Variants in PTDSS2 observed in about 807,000 individuals in gnomAD.
PTDSS2 encodes PSS-2.
PTDSS2 carries 41 observed loss-of-function variants against 64.7 expected under a neutral mutation model. The observed-to-expected ratio is 0.63, with a 90% CI of 0.49 to 0.82. The LOEUF (loss-of-function observed/expected upper bound fraction) is 0.82, where lower values mean the gene tolerates loss of function less well. PTDSS2 is among the 40% of genes least tolerant of loss of function. The pLI is 0.00. For missense variants in PTDSS2, 485 were observed against 650.0 expected, an observed-to-expected ratio of 0.75 and a Z score of 2.76; for synonymous variants, 297 against 277.8, an observed-to-expected ratio of 1.07 and a Z score of -0.69.
chr11:478,987 G>A, intron 3 of PTDSS2, 98 bp from the exon 4 acceptor site: 1 of 913,104 alleles, frequency 1.1e-6, no homozygotes, highest in Non-Finnish European at 1.8e-6. Context: ...GCCCAGAAGA[G>A]ACACTGGGTG....
At chr11:489,209 C>A in intron 8 of PTDSS2, 191 bp from the exon 9 acceptor site, 1 of 606,350 alleles carries the variant, frequency 1.6e-6, no homozygotes, top group East Asian at 2.8e-5. Context: ...GGAGAACAGC[C>A]GGGCAGCAGC....
At chr11:489,754 G>T (rs1425028503) in intron 10 of PTDSS2, 21 bp downstream of exon 10, 2 of 1,603,360 alleles carry the variant, frequency 1.2e-6, no homozygotes, top group Admixed American at 3.4e-5. Flanking sequence ...CGGCAGTCCG[G>T]GTGGAGACAC....
rs111799462 is a variant in PTDSS2 at position 459,114 on chromosome 11, C to T, written c.183-1073C>T. The T allele has an allele frequency of 1.5e-3, 139 of 90,886 alleles. 1 individual carries two copies. The highest frequency in any genetic ancestry group is 6.1e-3 in the African/African-American group (134 of 22,102). The allele number at this position is 90,886 out of a possible 1,614,324, so 5.6% of individuals were successfully genotyped here. A position where few individuals can be genotyped will look rare whatever the true frequency, so the allele number is the denominator to read the frequency against. ...CGTGAGGGGACACTCCGGTGGATGT[C>T]GGACCTGGGTTAGACGTGAGGACAC... On this transcript the variant is annotated intron_variant, in intron 1 of 11. Coordinates refer to ENST00000308020, the MANE Select transcript of PTDSS2 (RefSeq NM_030783.3).
At chr11:468,231 C>CCG (rs1847231526) in intron 2 of PTDSS2, among the ~76,000 whole-genome samples, 1 of 152,220 alleles carries the variant, frequency 6.6e-6, no homozygotes, top group South Asian at 2.1e-4. Context: ...GTTGAGAAGG[C>CCG]CGCGCACTGT....
chr11:481,175 C>T (rs1848055280), intron 4 of PTDSS2, among the ~76,000 whole-genome samples: 2 of 152,006 alleles, frequency 1.3e-5, no homozygotes, highest in Admixed American at 1.3e-4. Context: ...GCTCCTCTTT[C>T]TCGGCAGTGA....
intron 1 of PTDSS2, among the ~76,000 whole-genome samples, chr11:456,102 C>T (rs566935283): frequency 2.6e-5 from 4 of 152,034 alleles, no homozygotes; most frequent in East Asian, 1.9e-4. Flanking sequence ...GCTGTCATCA[C>T]GTCGTTGGCT....
intron 4 of PTDSS2, among the ~76,000 whole-genome samples, chr11:481,154 G>A (rs866025912): frequency 1.3e-5 from 2 of 151,908 alleles, no homozygotes; most frequent in Non-Finnish European, 2.9e-5. Flanking sequence ...GAGCCACCAC[G>A]CGCGGCCTGG....
At chr11:475,520 T>TTTGTGATACGGACATATTCACAC (rs1847761270) in intron 3 of PTDSS2, among the ~76,000 whole-genome samples, 1 of 103,312 alleles carries the variant, frequency 9.7e-6, no homozygotes, top group African/African-American at 4.1e-5. Flanking sequence ...CATATTCACG[T>TTTGTGATACGGACATATTCACAC]GTTTGTGTGA....
intron 5 of PTDSS2, 52 bp from the exon 6 acceptor site, chr11:487,368 G>T: frequency 6.6e-7 from 1 of 1,522,442 alleles, no homozygotes; most frequent in South Asian, 1.1e-5. Flanking sequence ...CCGGTGTGGG[G>T]AGTGGGGGTG....
chr11:482,223 C>G (rs892005897), intron 4 of PTDSS2, among the ~76,000 whole-genome samples: 2 of 117,360 alleles, frequency 1.7e-5, no homozygotes. Flanking sequence ...CAAGGATGGG[C>G]TTTTTTTTTT....
chr11:489,351 A>G (rs763609685), intron 8 of PTDSS2, 49 bp from the exon 9 acceptor site: 1 of 1,501,536 alleles, frequency 6.7e-7, no homozygotes, highest in Admixed American at 1.7e-5. Context: ...GGCACAGGGC[A>G]GGGTTCGGTG....
rs1013248469 is a variant in PTDSS2 at position 462,111 on chromosome 11, C to T, written c.284+1823C>T. ...CAGGGGGTGTCTTGGGAGCACTCCC[C>T]GAAAGCATTCACCAGGCCCCCACCA... On this transcript the variant is annotated intron_variant, in intron 2 of 11. Coordinates refer to ENST00000308020, the MANE Select transcript of PTDSS2 (RefSeq NM_030783.3). The surrounding 1 kb of genome is among the most constrained non-coding windows in gnomAD (Gnocchi z 4.5). Among the ~76,000 whole-genome samples, 1 of 152,036 alleles carries T rather than the reference C, an allele frequency of 6.6e-6. No individual in the cohort carries two copies. Among genetic ancestry groups the T allele is most frequent in the South Asian group, 2.1e-4 (1 of 4,826 alleles).
At chr11:469,403 G>A (rs1241294472) in intron 2 of PTDSS2, among the ~76,000 whole-genome samples, 3 of 59,578 alleles carry the variant, frequency 5.0e-5, no homozygotes, top group Non-Finnish European at 9.8e-5. Context: ...GGGAGTCTCC[G>A]GGGGAGTCTC....
In PTDSS2 at chr11:490,706, C is replaced by T; in HGVS notation, c.*124C>T. 3 of 1,046,368 alleles carry T rather than the reference C, an allele frequency of 2.9e-6. No individual in the cohort carries two copies. Among genetic ancestry groups the T allele is most frequent in the South Asian group, 3.3e-5 (2 of 59,908 alleles). 64.8% of individuals were successfully genotyped at this position (1,046,368 alleles called of 1,614,324 possible). ...CAAGGTTTTTTGCTTTTCTCCTGTGCACCTGGCGAGGCTGAAGGCGAGGGG... is the reference window on the plus strand; with the variant it reads ...CAAGGTTTTTTGCTTTTCTCCTGTGTACCTGGCGAGGCTGAAGGCGAGGGG... On this transcript the variant is annotated 3_prime_UTR_variant, in exon 12 of 12. Transcript: ENST00000308020.
intron 3 of PTDSS2, among the ~76,000 whole-genome samples, chr11:474,877 G>C (rs1008603062): frequency 2.0e-5 from 3 of 150,966 alleles, no homozygotes; most frequent in Non-Finnish European, 3.0e-5. Flanking sequence ...ACATATTCAC[G>C]TGTTTGTGTG....
In PTDSS2 at chr11:490,872, C is replaced by T. The variant is rs1373457868; in HGVS notation, c.*290C>T. On this transcript the variant is annotated 3_prime_UTR_variant, in exon 12 of 12. Coordinates refer to ENST00000308020, the MANE Select transcript of PTDSS2 (RefSeq NM_030783.3). ...ACGTGTGCTCTGGGCTCCGAGGCTT[C>T]TCCAGAGCTGGGAGCTGGCTGGCGT... The T allele has an allele frequency of 4.8e-6, 2 of 413,576 alleles. No homozygotes were observed. Among genetic ancestry groups the T allele is most frequent in the East Asian group, 4.2e-5 (1 of 23,882 alleles). 25.6% of individuals were successfully genotyped at this position (413,576 alleles called of 1,614,324 possible). A position where few individuals can be genotyped will look rare whatever the true frequency, so the allele number is the denominator to read the frequency against.
chr11:450,197 T>C, upstream of PTDSS2: 1 of 347,664 alleles, frequency 2.9e-6, no homozygotes, highest in Non-Finnish European at 5.2e-6. Context: ...CAACCAGGCG[T>C]CATCCTTCCC....
At chr11:484,664 C>T (rs946163747) in intron 4 of PTDSS2, among the ~76,000 whole-genome samples, 2 of 149,378 alleles carry the variant, frequency 1.3e-5, no homozygotes, top group African/African-American at 2.5e-5. Context: ...TGTGCACAGG[C>T]GTCTGTAAAC....
intron 2 of PTDSS2, among the ~76,000 whole-genome samples, chr11:468,409 G>A (rs1301388818): frequency 2.0e-5 from 3 of 152,216 alleles, no homozygotes; most frequent in South Asian, 4.1e-4. Flanking sequence ...GCGTTTGTCC[G>A]AACCTGTAGA....
Sources: gnomAD v4.1 joint callset for allele counts (sites outside exome capture counted in the v4.1 genomes callset) on GRCh38, gnomAD v4.1.1 for gene constraint, Gnocchi (gnomAD v3.1) non-coding constraint, MANE v1.5 for transcripts, NCBI Gene and HGNC (gene_info 2026-07-23, HGNC 2026-07-21) for gene names.